The following ABLIM2 variants were observed in gnomAD, a reference collection of about 807,000 sequenced individuals.
ABLIM2 encodes actin-binding LIM protein 2.
Under a neutral mutation model 97.7 loss-of-function variants are expected in ABLIM2, and 53 were observed. The observed-to-expected ratio is 0.54, with a 90% CI of 0.44 to 0.68. ABLIM2 has a LOEUF of 0.68. Ranked by LOEUF, ABLIM2 falls within the 30% of genes least tolerant of loss-of-function variation. The pLI is 0.00. For synonymous variants in ABLIM2, 361 were observed against 345.8 expected, an observed-to-expected ratio of 1.04 and a Z score of -0.49; for missense variants, 835 against 867.2, an observed-to-expected ratio of 0.96 and a Z score of 0.47.
chr4:8,126,793 G>A (rs774190940), intron 1 of ABLIM2, among the ~76,000 whole-genome samples: 5 of 151,966 alleles, frequency 3.3e-5, no homozygotes, highest in African/African-American at 9.7e-5. Flanking sequence ...ATGGCCGGGC[G>A]TGTGGCTCAC....
intron 10 of ABLIM2, 76 bp downstream of exon 10, chr4:8,036,073 G>A (rs1784297893): frequency 6.5e-7 from 1 of 1,545,970 alleles, no homozygotes. Context: ...TAGGACACAT[G>A]CTAGGGATGA....
intron 1 of ABLIM2, 27 bp downstream of exon 1, chr4:8,158,653 G>A (rs1344212566): frequency 8.6e-6 from 13 of 1,503,926 alleles, no homozygotes; most frequent in African/African-American, 1.4e-5. Flanking sequence ...GCGGGGACCC[G>A]TTGGTCCCTC....
At chr4:8,017,449 G>C (rs981559550) in intron 14 of ABLIM2, among the ~76,000 whole-genome samples, 16 of 151,942 alleles carry the variant, frequency 1.1e-4, no homozygotes, top group African/African-American at 3.1e-4. Context: ...GCCACACCTG[G>C]CTATTTTTTT....
intron 9 of ABLIM2, among the ~76,000 whole-genome samples, chr4:8,038,624 G>C (rs568623567): frequency 7.9e-5 from 12 of 152,262 alleles, no homozygotes; most frequent in African/African-American, 2.9e-4. Context: ...AGGCTTGAGG[G>C]TTCTCCTGAG....
rs1392943958 is a variant in ABLIM2, at chr4:8,072,032, G to A, written c.675+5596C>T. On this transcript the variant is annotated intron_variant, in intron 6 of 20. Transcript: ENST00000447017. This position sits in a 1 kb window ranked among gnomAD's most constrained non-coding sequence, Gnocchi z 5.8. ...GCCCGCAGTTCCCACCTTGCACCCG[G>A]GGAGGATGCTCAGAGCTGTGCAGAG... 4.1e-6 allele frequency: 4 copies of A among 985,280 alleles called. No homozygotes were observed. Among genetic ancestry groups the A allele is most frequent in the African/African-American group, 3.5e-5 (2 of 57,206 alleles). The allele number at this position is 985,280 out of a possible 1,614,324, so 61.0% of individuals were successfully genotyped here. A position where few individuals can be genotyped will look rare whatever the true frequency, so the allele number is the denominator to read the frequency against.
chr4:7,983,437 G>A (rs1740586794), intron 19 of ABLIM2, 93 bp from the exon 20 acceptor site: 1 of 1,577,892 alleles, frequency 6.3e-7, no homozygotes, highest in Non-Finnish European at 8.6e-7. Flanking sequence ...ATACATACTT[G>A]CGTCTGCACC....
At chr4:8,039,874 GT>G (rs397947626) in intron 9 of ABLIM2, among the ~76,000 whole-genome samples, 3,683 of 108,604 alleles carry the variant, frequency 0.034, 73 homozygotes, top group South Asian at 0.063. Context: ...GCTGATTACT[GT>G]TTTTTTTTTT....
chr4:8,008,010 C>G (rs16841552), intron 16 of ABLIM2, 49 bp downstream of exon 16: 1 of 1,601,472 alleles, frequency 6.2e-7, no homozygotes, highest in Admixed American at 1.7e-5. Context: ...CTCTTTGCCG[C>G]GAGGCATTTT....
rs1164693840 is a variant in ABLIM2 at position 8,112,396 on chromosome 4, G to A, written c.11-5759C>T. 6.6e-6 allele frequency among the ~76,000 whole-genome samples: 1 copy of A among 152,228 alleles called. No homozygotes were observed. The highest frequency in any genetic ancestry group is 1.5e-5 in the Non-Finnish European group (1 of 68,046). ...TCTGTAAATCAGGGCTTGATCTTAG[G>A]AGGATGTTTTAAATGTCCATTGAAG... On this transcript the variant is annotated intron_variant, in intron 1 of 20. Coordinates refer to ENST00000447017, the MANE Select transcript of ABLIM2 (RefSeq NM_001130083.2). This position sits in a 1 kb window ranked among gnomAD's most constrained non-coding sequence, Gnocchi z 4.2.
At chr4:8,080,932 C>G in intron 4 of ABLIM2, 130 bp from the exon 5 acceptor site, 1 of 1,175,004 alleles carries the variant, frequency 8.5e-7, no homozygotes, top group Non-Finnish European at 1.2e-6. Flanking sequence ...GCAGCCACAG[C>G]GAGTGTGCTT....
intron 3 of ABLIM2, among the ~76,000 whole-genome samples, chr4:8,091,834 A>ATATT (rs1404411656): frequency 5.5e-4 from 33 of 60,052 alleles, no homozygotes; most frequent in East Asian, 4.5e-3. Context: ...TTATATAAAT[A>ATATT]ATATAATATA....
In ABLIM2 at chr4:7,970,092, C is replaced by A. The variant is rs562109311; in HGVS notation, c.1825-2989G>T. Among the ~76,000 whole-genome samples the A allele has an allele frequency of 5.9e-5, 9 of 152,322 alleles. No homozygotes were observed. Among genetic ancestry groups the A allele is most frequent in the African/African-American group, 1.9e-4 (8 of 41,586 alleles). On this transcript the variant is annotated intron_variant, in intron 20 of 20. Transcript: ENST00000447017. The surrounding 1 kb of genome is among the most constrained non-coding windows in gnomAD (Gnocchi z 5.3). The stretch of plus-strand genomic sequence containing the variant: ...GATCAAAGGAAAGAAAAAGGAAAAT[C>A]ATTTCTAGCTTTATCCAAGACCTGG...
At chr4:7,981,789 A>G (rs754692875) in intron 20 of ABLIM2, among the ~76,000 whole-genome samples, 5 of 152,156 alleles carry the variant, frequency 3.3e-5, no homozygotes, top group Non-Finnish European at 7.3e-5. Flanking sequence ...GCTTGGTCAA[A>G]TGGAATCAAT....
Position 8,127,485 on chromosome 4 carries a change from A to C in ABLIM2, c.11-20848T>G. On this transcript the variant is annotated intron_variant, in intron 1 of 20. Transcript: ENST00000447017. The surrounding 1 kb of genome is among the most constrained non-coding windows in gnomAD (Gnocchi z 7.3). ...CACAGCTCCCAGTCCCCTGAAGCTGACTCATGGAGCTCACGGCTCCCAGCC... is the reference window on the plus strand; with the variant it reads ...CACAGCTCCCAGTCCCCTGAAGCTGCCTCATGGAGCTCACGGCTCCCAGCC... The C allele has an allele frequency of 7.8e-7, 1 of 1,288,714 alleles. No individual in the cohort carries two copies. The highest frequency in any genetic ancestry group is 1.0e-6 in the Non-Finnish European group (1 of 988,158). 79.8% of individuals were successfully genotyped at this position (1,288,714 alleles called of 1,614,324 possible). A position where few individuals can be genotyped will look rare whatever the true frequency, so the allele number is the denominator to read the frequency against.
chr4:8,048,629 C>T (rs1251320397), intron 8 of ABLIM2, among the ~76,000 whole-genome samples: 4 of 152,208 alleles, frequency 2.6e-5, no homozygotes, highest in Admixed American at 6.5e-5. Context: ...CCCATTCAGC[C>T]GGAACGGCCC....
At chr4:8,117,925 A>C (rs1364662110) in intron 1 of ABLIM2, among the ~76,000 whole-genome samples, 1 of 152,240 alleles carries the variant, frequency 6.6e-6, no homozygotes, top group Non-Finnish European at 1.5e-5. Context: ...AGCTCAGGAC[A>C]GTTCAAGGGA....
chr4:8,119,288 G>T (rs1561536057), intron 1 of ABLIM2, among the ~76,000 whole-genome samples: 1 of 151,836 alleles, frequency 6.6e-6, no homozygotes, highest in African/African-American at 2.4e-5. Flanking sequence ...GCTGGAGAGG[G>T]CGTGTAGTCT....
At chr4:8,091,396 A>G (rs1381839045) in intron 3 of ABLIM2, among the ~76,000 whole-genome samples, 1 of 53,778 alleles carries the variant, frequency 1.9e-5, no homozygotes. Flanking sequence ...ATATATAATT[A>G]TATGTAATAT....
chr4:8,158,711 G>C lies in ABLIM2; in HGVS notation c.-22C>G, dbSNP rs1716248670. 4 of 1,447,962 alleles carry C rather than the reference G, an allele frequency of 2.8e-6. No homozygotes were observed. The highest frequency in any genetic ancestry group is 1.8e-6 in the Non-Finnish European group (2 of 1,101,094). The allele number at this position is 1,447,962 out of a possible 1,614,324, so 89.7% of individuals were successfully genotyped here. ...TCATCTCAGCAGCCGCTCGGAGTCGGGGCGGCCCGGCGCTGCGACAGCCAG... is the reference window on the plus strand; with the variant it reads ...TCATCTCAGCAGCCGCTCGGAGTCGCGGCGGCCCGGCGCTGCGACAGCCAG... On this transcript the variant is annotated 5_prime_UTR_variant, in exon 1 of 21. Transcript: ENST00000447017.
Sources: gnomAD v4.1 joint callset for allele counts (sites outside exome capture counted in the v4.1 genomes callset) on GRCh38, gnomAD v4.1.1 for gene constraint, Gnocchi (gnomAD v3.1) non-coding constraint, MANE v1.5 for transcripts, NCBI Gene and HGNC (gene_info 2026-07-23, HGNC 2026-07-21) for gene names.